The following TRDN variants were observed in gnomAD, a reference collection of about 807,000 sequenced individuals.
The protein encoded by TRDN is triadin in skeletal muscle.
TRDN carries 161 observed loss-of-function variants against 149.7 expected under a neutral mutation model. The observed-to-expected ratio is 1.08, with a 90% CI of 0.95 to 1.23. The LOEUF (loss-of-function observed/expected upper bound fraction) is 1.23, where lower values mean the gene tolerates loss of function less well. Ranked by LOEUF, TRDN falls within the 50% of genes most tolerant of loss-of-function variation. TRDN has a pLI of 0.00. For synonymous variants in TRDN, 294 were observed against 250.5 expected (o/e 1.17, Z -1.64); for missense variants, 896 against 823.5 (o/e 1.09, Z -1.08).
intron 2 of TRDN, among the ~76,000 whole-genome samples, chr6:123,558,744 T>C (rs1281401944): frequency 1.3e-5 from 2 of 152,296 alleles, no homozygotes; most frequent in African/African-American, 4.8e-5. Flanking sequence ...CTTCAAGGTG[T>C]ACAATGATAG....
At chr6:123,369,339 G>A (rs963281474) in intron 19 of TRDN, among the ~76,000 whole-genome samples, 2 of 151,950 alleles carry the variant, frequency 1.3e-5, no homozygotes, top group Admixed American at 6.6e-5. Flanking sequence ...TTTCAAAATC[G>A]GTCACATTCA....
At chr6:123,544,448 T>A (rs762838500) in intron 4 of TRDN, among the ~76,000 whole-genome samples, 13 of 152,046 alleles carry the variant, frequency 8.6e-5, no homozygotes, top group Admixed American at 2.0e-4. Context: ...TAGGAAAACA[T>A]TCAAATGACA....
At chr6:123,316,869 T>G (rs915056993) in intron 23 of TRDN, among the ~76,000 whole-genome samples, 3 of 151,848 alleles carry the variant, frequency 2.0e-5, no homozygotes, top group Non-Finnish European at 4.4e-5. Flanking sequence ...TTTCCTAATT[T>G]GACCAACTTA....
intron 2 of TRDN, among the ~76,000 whole-genome samples, chr6:123,565,810 G>C (rs767855888): frequency 6.6e-6 from 1 of 152,180 alleles, no homozygotes; most frequent in Non-Finnish European, 1.5e-5. Context: ...GCAGTTCCGT[G>C]GGGGAAAGGC....
intron 9 of TRDN, among the ~76,000 whole-genome samples, chr6:123,472,107 T>C (rs925250914): frequency 1.3e-5 from 2 of 152,126 alleles, no homozygotes; most frequent in Non-Finnish European, 2.9e-5. Context: ...ACAGCTCCAG[T>C]CTACAGCTCC....
intron 38 of TRDN, among the ~76,000 whole-genome samples, chr6:123,243,081 C>T (rs1776048754): frequency 6.6e-6 from 1 of 152,082 alleles, no homozygotes. Context: ...AAGACAAATT[C>T]CACTGTTGCT....
chr6:123,615,177 G>A (rs560305309), intron 1 of TRDN, among the ~76,000 whole-genome samples: 6 of 152,104 alleles, frequency 3.9e-5, no homozygotes, highest in Non-Finnish European at 7.3e-5. Context: ...CATGGAGAAG[G>A]GAACTCTCAC....
chr6:123,279,650 T>G (rs1009753312), intron 24 of TRDN, among the ~76,000 whole-genome samples: 1 of 152,106 alleles, frequency 6.6e-6, no homozygotes, highest in Non-Finnish European at 1.5e-5. Flanking sequence ...ATTAATTCAC[T>G]GTAATCTAGT....
Position 123,300,418 on chromosome 6 carries a change from T to A in TRDN, c.1510+16039A>T, listed in dbSNP as rs187757736. Reference sequence around the variant, plus strand: ...GTTTACAGTATATGCATAAGTAATCTTTAGTAATTTTAATGAAGTTATCAT... The same window carrying A: ...GTTTACAGTATATGCATAAGTAATCATTAGTAATTTTAATGAAGTTATCAT... On this transcript the variant is annotated intron_variant, in intron 24 of 40. Coordinates refer to ENST00000334268, the MANE Select transcript of TRDN (RefSeq NM_006073.4). Among the ~76,000 whole-genome samples the A allele has an allele frequency of 2.6e-5, 4 of 152,058 alleles. No homozygotes were observed. In the East Asian group the frequency reaches 7.7e-4, roughly 29 times the overall value.
chr6:123,218,795 C>T, intron 40 of TRDN, 55 bp from the exon 41 acceptor site: 2 of 1,527,294 alleles, frequency 1.3e-6, no homozygotes, highest in Non-Finnish European at 8.8e-7. Context: ...AGCAAAAAAG[C>T]ACAGTGAGGC....
At chr6:123,584,888 A>T (rs1783365722) in intron 1 of TRDN, among the ~76,000 whole-genome samples, 1 of 152,184 alleles carries the variant, frequency 6.6e-6, no homozygotes, top group Non-Finnish European at 1.5e-5. Context: ...TAAGGCGCAG[A>T]TCCTGAACTA....
At chr6:123,556,221 T>C (rs1020216881) in intron 2 of TRDN, among the ~76,000 whole-genome samples, 1 of 152,116 alleles carries the variant, frequency 6.6e-6, no homozygotes, top group Non-Finnish European at 1.5e-5. Flanking sequence ...TTGCCATACT[T>C]AGGAATAAAT....
chr6:123,611,814 A>T (rs1784825328), intron 1 of TRDN, among the ~76,000 whole-genome samples: 1 of 152,164 alleles, frequency 6.6e-6, no homozygotes, highest in South Asian at 2.1e-4. Flanking sequence ...CCATCTAATT[A>T]GTTTGGTGGA....
At chr6:123,400,632 C>A (rs1772927287) in intron 12 of TRDN, among the ~76,000 whole-genome samples, 1 of 152,110 alleles carries the variant, frequency 6.6e-6, no homozygotes, top group Non-Finnish European at 1.5e-5. Context: ...GGCCACAGAC[C>A]AGTACCAGGG....
chr6:123,394,206 G>GCAAA (rs1485693248), intron 12 of TRDN, among the ~76,000 whole-genome samples: 2 of 151,862 alleles, frequency 1.3e-5, no homozygotes, highest in African/African-American at 2.4e-5. Flanking sequence ...GAGAGAATGA[G>GCAAA]CAAGCTTCAT....
intron 37 of TRDN, among the ~76,000 whole-genome samples, chr6:123,252,939 A>G (rs989342606): frequency 1.3e-5 from 2 of 152,260 alleles, no homozygotes; most frequent in East Asian, 1.9e-4. Flanking sequence ...TGGCTCAACT[A>G]TTATTATACT....
intron 8 of TRDN, 111 bp downstream of exon 8, chr6:123,503,608 C>A (rs756484646): frequency 6.5e-7 from 1 of 1,527,578 alleles, no homozygotes; most frequent in Non-Finnish European, 8.8e-7. Flanking sequence ...ATGTCTTTTA[C>A]CCCCATTTGA....
At chr6:123,475,411 A>G (rs1777421351) in intron 9 of TRDN, among the ~76,000 whole-genome samples, 1 of 134,376 alleles carries the variant, frequency 7.4e-6, no homozygotes, top group African/African-American at 2.9e-5. Flanking sequence ...TTGTGGCAAT[A>G]ATCAATAGCT....
chr6:123,610,871 G>C (rs556201347), intron 1 of TRDN, among the ~76,000 whole-genome samples: 1 of 152,224 alleles, frequency 6.6e-6, no homozygotes, highest in South Asian at 2.1e-4. Flanking sequence ...ATACATCTAG[G>C]AGAGCAGATC....
Sources: allele counts gnomAD v4.1 joint callset (sites outside exome capture counted in the v4.1 genomes callset), GRCh38; gene constraint gnomAD v4.1.1; transcripts MANE v1.5; gene names NCBI Gene and HGNC (gene_info 2026-07-23, HGNC 2026-07-21).